Variants in SDK1 observed in about 807,000 individuals in gnomAD.
SDK1 encodes the protein protein sidekick-1.
In SDK1, 157 loss-of-function variants were observed where a neutral mutation model predicts 245.5. The observed-to-expected ratio is 0.64, with a 90% confidence interval of 0.56 to 0.73. The LOEUF is 0.73. Among genes scored for constraint, SDK1 ranks in the 30% least tolerant of loss-of-function variants. SDK1 has a pLI of 0.00. For missense variants in SDK1, 3,583 were observed against 3,002.3 expected, an observed-to-expected ratio of 1.19 and a Z score of -4.52; for synonymous variants, 1,647 against 1,278.5, an observed-to-expected ratio of 1.29 and a Z score of -6.15.
At chr7:3,912,446 G>C (rs1490351109) in intron 5 of SDK1, among the ~76,000 whole-genome samples, 1 of 152,236 alleles carries the variant, frequency 6.6e-6, no homozygotes, top group Non-Finnish European at 1.5e-5. Flanking sequence ...GTGCCACAGA[G>C]TGTGGTTCAA....
intron 1 of SDK1, among the ~76,000 whole-genome samples, chr7:3,477,767 G>A (rs1045578816): frequency 6.6e-6 from 1 of 152,006 alleles, no homozygotes; most frequent in African/African-American, 2.4e-5. Flanking sequence ...TCCCACCTCA[G>A]ACTCCCAAAG....
chr7:3,432,529 T>C (rs1387373020), intron 1 of SDK1, among the ~76,000 whole-genome samples: 1 of 152,184 alleles, frequency 6.6e-6, no homozygotes, highest in South Asian at 2.1e-4. Flanking sequence ...TATATATTCA[T>C]GTTGAATTTA....
At chr7:3,565,495 A>G (rs545751683) in intron 1 of SDK1, among the ~76,000 whole-genome samples, 3 of 152,336 alleles carry the variant, frequency 2.0e-5, no homozygotes, top group South Asian at 2.1e-4. Flanking sequence ...AGGAATAGAT[A>G]AAATTGTCAT....
chr7:3,839,480 G>C (rs1780104490), intron 5 of SDK1, among the ~76,000 whole-genome samples: 1 of 152,152 alleles, frequency 6.6e-6, no homozygotes, highest in Admixed American at 6.5e-5. Flanking sequence ...ACAGAATGCT[G>C]TCGAGGAATT....
Position 3,951,846 on chromosome 7 carries a change from C to T in SDK1, c.1076C>T (p.Pro359Leu). The T allele has an allele frequency of 6.2e-7, 1 of 1,613,834 alleles. No homozygotes were observed. The highest frequency in any genetic ancestry group is 2.2e-5 in the East Asian group (1 of 44,874). Residue 359 changes from proline to leucine, a missense_variant, in exon 7 of 45, where the codon CCA becomes CTA. Pro to Leu is a moderately conservative substitution (Grantham distance 98). Transcript: ENST00000404826. ...AACCCGACGTCCGCGGACACCGGGC[C>T]ATACGTCTGCGAGGCGGCGCTGCCG... ...ISNPTSADTGPYVCEAALPGS... is the reference protein window; with the variant it reads ...ISNPTSADTGLYVCEAALPGS...
intron 1 of SDK1, among the ~76,000 whole-genome samples, chr7:3,572,567 G>A (rs1039437379): frequency 2.6e-5 from 4 of 152,018 alleles, no homozygotes; most frequent in African/African-American, 7.2e-5. Context: ...CTAGCAAATC[G>A]TCTCACTGTG....
At chr7:3,334,681 C>A (rs1780154388) in intron 1 of SDK1, among the ~76,000 whole-genome samples, 1 of 152,144 alleles carries the variant, frequency 6.6e-6, no homozygotes, top group African/African-American at 2.4e-5. Flanking sequence ...CATTCTGTTC[C>A]CTTCGTTGAA....
intron 5 of SDK1, among the ~76,000 whole-genome samples, chr7:3,864,279 C>T (rs932646544): frequency 2.0e-5 from 3 of 152,112 alleles, no homozygotes; most frequent in Non-Finnish European, 4.4e-5. Flanking sequence ...CTTCTCCTTA[C>T]GTTTCCTATT....
At chr7:4,235,740 ACT>A (rs1239592948) in intron 41 of SDK1, among the ~76,000 whole-genome samples, 2 of 152,046 alleles carry the variant, frequency 1.3e-5, no homozygotes, top group Non-Finnish European at 2.9e-5. Flanking sequence ...CCTCTCTGAA[ACT>A]CCATCAGACG....
rs1780609872 is a variant in SDK1, at chr7:3,454,388, T to TG, written c.298+152504_298+152505insG. Among the ~76,000 whole-genome samples the TG allele has an allele frequency of 2.1e-5, 3 of 141,686 alleles. No individual in the cohort carries two copies. The Admixed American group carries it at 2.1e-4, about 10-fold the overall frequency. The allele number at this position is 141,686 out of a possible 152,430, so 93.0% of individuals were successfully genotyped here. On this transcript the variant is annotated intron_variant, in intron 1 of 44. Coordinates refer to ENST00000404826, the MANE Select transcript of SDK1 (RefSeq NM_152744.4). Reference sequence around the variant, plus strand: ...TCGATTTTTTCGTGTTCCCCAAGATTTGTGTGTGTGTGTGTGTGTGTGTGT... The same window carrying TG: ...TCGATTTTTTCGTGTTCCCCAAGATTGTGTGTGTGTGTGTGTGTGTGTGTGT...
chr7:3,543,411 A>G (rs1050753476), intron 1 of SDK1, among the ~76,000 whole-genome samples: 3 of 152,246 alleles, frequency 2.0e-5, no homozygotes, highest in East Asian at 3.9e-4. Context: ...CATTCTTACT[A>G]AAGAGATGGC....
intron 1 of SDK1, among the ~76,000 whole-genome samples, chr7:3,389,996 G>A (rs1781707674): frequency 6.6e-6 from 1 of 152,078 alleles, no homozygotes; most frequent in South Asian, 2.1e-4. Flanking sequence ...GGTAAGTGGG[G>A]GAAAGTGGAT....
chr7:3,579,086 A>T (rs1780399854), intron 1 of SDK1, among the ~76,000 whole-genome samples: 1 of 151,926 alleles, frequency 6.6e-6, no homozygotes. Context: ...ACTTCCTGCA[A>T]CAACTTTTCC....
chr7:3,489,183 T>A (rs10252736), intron 1 of SDK1, among the ~76,000 whole-genome samples: 4 of 151,896 alleles, frequency 2.6e-5, no homozygotes, highest in Non-Finnish European at 4.4e-5. Context: ...TAGGGGTGGG[T>A]GCAGGCAGGT....
chr7:4,206,126 A>AC, intron 36 of SDK1, 132 bp downstream of exon 36: 1 of 633,288 alleles, frequency 1.6e-6, no homozygotes, highest in Non-Finnish European at 2.7e-6. Flanking sequence ...CAAGCGTCGG[A>AC]GCTTGGCTAG....
At chr7:3,800,473 C>T (rs1174196732) in intron 4 of SDK1, among the ~76,000 whole-genome samples, 2 of 152,024 alleles carry the variant, frequency 1.3e-5, no homozygotes, top group East Asian at 1.9e-4. Context: ...CTTCTGCCTC[C>T]TGGGTTTAAG....
intron 1 of SDK1, among the ~76,000 whole-genome samples, chr7:3,553,299 C>G (rs1051561015): frequency 7.9e-5 from 12 of 152,048 alleles, no homozygotes; most frequent in East Asian, 5.8e-4. Flanking sequence ...AGATTTTGCT[C>G]TATGTCAAAA....
intron 4 of SDK1, among the ~76,000 whole-genome samples, chr7:3,679,781 G>C (rs1185430071): frequency 6.6e-6 from 1 of 152,196 alleles, no homozygotes; most frequent in African/African-American, 2.4e-5. Context: ...AAAGAAATGG[G>C]ATCAGTCCTG....
At chr7:4,181,988 C>T (rs1330685561) in intron 35 of SDK1, among the ~76,000 whole-genome samples, 6 of 152,272 alleles carry the variant, frequency 3.9e-5, no homozygotes, top group African/African-American at 1.4e-4. Context: ...GGCATGATCT[C>T]AGCTCACTGC....
Sources: allele counts gnomAD v4.1 joint callset (sites outside exome capture counted in the v4.1 genomes callset), GRCh38; gene constraint gnomAD v4.1.1; transcripts MANE v1.5; gene names NCBI Gene and HGNC (gene_info 2026-07-23, HGNC 2026-07-21).